Variants in NCAPD2 observed in about 807,000 individuals in gnomAD.
The protein encoded by NCAPD2 is condensin complex subunit 1.
NCAPD2 carries 100 observed loss-of-function variants against 164.5 expected under a neutral mutation model. That is an observed-to-expected ratio of 0.61 (90% CI 0.52 to 0.72). NCAPD2 has a LOEUF of 0.72. NCAPD2 is among the 30% of genes least tolerant of loss of function. The pLI is 0.00. For synonymous variants in NCAPD2, 585 were observed against 642.6 expected (o/e 0.91, Z 1.36); for missense variants, 1,560 against 1,749.2 (o/e 0.89, Z 1.93).
intron 14 of NCAPD2, 49 bp from the exon 15 acceptor site, chr12:6,521,749 C>G: frequency 6.3e-7 from 1 of 1,591,854 alleles, no homozygotes; most frequent in Non-Finnish European, 8.6e-7. Flanking sequence ...TGTTGGATTC[C>G]CCTGTATCCC....
chr12:6,522,730 C>A, intron 15 of NCAPD2, 98 bp from the exon 16 acceptor site: 1 of 1,352,132 alleles, frequency 7.4e-7, no homozygotes, highest in African/African-American at 1.5e-5. Flanking sequence ...ATGCGGAAGG[C>A]CTCCATTTGC....
Position 6,531,119 on chromosome 12 carries a change from T to C in NCAPD2, c.4120+43T>C. 2 of 1,609,984 alleles carry C rather than the reference T, an allele frequency of 1.2e-6. No individual in the cohort carries two copies. Among genetic ancestry groups the C allele is most frequent in the African/African-American group, 1.3e-5 (1 of 74,952 alleles). On this transcript the variant is annotated intron_variant, in intron 31 of 31. Coordinates refer to ENST00000315579, the MANE Select transcript of NCAPD2 (RefSeq NM_014865.4). This position sits in a 1 kb window ranked among gnomAD's most constrained non-coding sequence, Gnocchi z 4.1. ...GTTCCCGGCCGAGAAGGCACACAGC[T>C]AGGGTGCAGAGGGCTGGTTTCCATA...
chr12:6,518,503 A>AGTTTTTTTTTTTTGTT lies in NCAPD2; in HGVS notation c.1589+557_1589+558insGTTGTTTTTTTTTTTT, dbSNP rs1946225548. On this transcript the variant is annotated intron_variant, in intron 13 of 31. Transcript: ENST00000315579. ...ACAAAAGCCCTTACAGCCGTCAACA[A>AGTTTTTTTTTTTTGTT]GTTTTTTTTTTTTTTTTTTTTTTTT... Among the ~76,000 whole-genome samples, 14 of 30,714 alleles carry AGTTTTTTTTTTTTGTT rather than the reference A, an allele frequency of 4.6e-4. 1 individual carries two copies. In the South Asian group the frequency reaches 0.01, roughly 22 times the overall value. The allele number at this position is 30,714 out of a possible 152,430, so 20.1% of individuals were successfully genotyped here.
chr12:6,523,186 G>A, intron 16 of NCAPD2, 76 bp from the exon 17 acceptor site: 1 of 1,504,966 alleles, frequency 6.6e-7, no homozygotes, highest in Non-Finnish European at 9.2e-7. Flanking sequence ...CACTGTGGTG[G>A]GATAGCCCTA....
In NCAPD2 at chr12:6,518,504, G is replaced by GTT. The variant is rs56183938; in HGVS notation, c.1589+574_1589+575dup. Reference sequence around the variant, plus strand: ...CAAAAGCCCTTACAGCCGTCAACAAGTTTTTTTTTTTTTTTTTTTTTTTTT... The same window carrying GTT: ...CAAAAGCCCTTACAGCCGTCAACAAGTTTTTTTTTTTTTTTTTTTTTTTTTTT... On this transcript the variant is annotated intron_variant, in intron 13 of 31. Transcript: ENST00000315579. Among the ~76,000 whole-genome samples the GTT allele has an allele frequency of 6.3e-3, 282 of 44,760 alleles. 73 individuals are homozygous for GTT. Among genetic ancestry groups the GTT allele is most frequent in the Non-Finnish European group, 7.8e-3 (198 of 25,548 alleles). The allele number at this position is 44,760 out of a possible 152,430, so 29.4% of individuals were successfully genotyped here.
At chr12:6,519,591 T>G (rs1201968935) in intron 13 of NCAPD2, among the ~76,000 whole-genome samples, 1 of 152,012 alleles carries the variant, frequency 6.6e-6, no homozygotes, top group Non-Finnish European at 1.5e-5. Context: ...AGATAACATG[T>G]AGACAAGCAG....
chr12:6,528,581 G>T lies in NCAPD2; in HGVS notation c.3300-98G>T. 7.2e-7 allele frequency: 1 copy of T among 1,380,464 alleles called. No homozygotes were observed. The highest frequency in any genetic ancestry group is 1.3e-5 in the South Asian group (1 of 77,248). The allele number at this position is 1,380,464 out of a possible 1,614,324, so 85.5% of individuals were successfully genotyped here. A position where few individuals can be genotyped will look rare whatever the true frequency, so the allele number is the denominator to read the frequency against. On this transcript the variant is annotated intron_variant, in intron 25 of 31. Coordinates refer to ENST00000315579, the MANE Select transcript of NCAPD2 (RefSeq NM_014865.4). The surrounding 1 kb of genome is among the most constrained non-coding windows in gnomAD (Gnocchi z 5.1). The stretch of plus-strand genomic sequence containing the variant: ...CTTTCTGACTGCTTCTGGAGTGGCA[G>T]AGCATGGGATAATTGATTCCTGCTG...
chr12:6,512,226 C>T (rs1290720839), intron 6 of NCAPD2, among the ~76,000 whole-genome samples: 4 of 142,078 alleles, frequency 2.8e-5, no homozygotes, highest in African/African-American at 8.0e-5. Context: ...GACCTGAGAT[C>T]GCGCCACTGC....
chr12:6,507,888 T>G (rs890809552), intron 2 of NCAPD2, among the ~76,000 whole-genome samples: 1 of 151,840 alleles, frequency 6.6e-6, no homozygotes, highest in South Asian at 2.1e-4. Context: ...TGCTATGAAT[T>G]AAAGAATAGA....
Position 6,517,697 on chromosome 12 carries a change from G to T in NCAPD2, c.1408+14G>T, listed in dbSNP as rs764396605. The T allele has an allele frequency of 2.5e-6, 4 of 1,614,208 alleles. No homozygotes were observed. The South Asian group carries it at 4.4e-5, about 18-fold the overall frequency. ...CTGCAGCAGCTTGTAAGTAGTTACT[G>T]CCTTGGAGTCCTAATGCCAGACAGG... On this transcript the variant is annotated intron_variant, in intron 12 of 31. Coordinates refer to ENST00000315579, the MANE Select transcript of NCAPD2 (RefSeq NM_014865.4).
Position 6,495,061 on chromosome 12 carries a change from C to A in NCAPD2, c.-23-15C>A, listed in dbSNP as rs1276619483. On this transcript the variant is annotated splice_polypyrimidine_tract_variant and intron_variant, in intron 1 of 31. Coordinates refer to ENST00000315579, the MANE Select transcript of NCAPD2 (RefSeq NM_014865.4). ...TTGAATATAGACCCTGACTTTTTCA[C>A]TGTTTGGTTTCTAGCCCTGTGAGCC... The A allele has an allele frequency of 5.6e-6, 9 of 1,611,420 alleles. 1 individual carries two copies. In the South Asian group the frequency reaches 9.9e-5, roughly 18 times the overall value.
At chr12:6,497,465 C>CT (rs1295236176) in intron 2 of NCAPD2, among the ~76,000 whole-genome samples, 2 of 152,180 alleles carry the variant, frequency 1.3e-5, no homozygotes, top group Admixed American at 6.5e-5. Context: ...ATTCCACCCT[C>CT]TAACAGGCTC....
chr12:6,496,531 C>T (rs953867463), intron 2 of NCAPD2, among the ~76,000 whole-genome samples: 1 of 152,082 alleles, frequency 6.6e-6, no homozygotes, highest in African/African-American at 2.4e-5. Context: ...CTCAAGCAAT[C>T]CTCTCACCTC....
intron 11 of NCAPD2, 44 bp downstream of exon 11, chr12:6,517,543 A>G (rs1946214843): frequency 1.9e-6 from 3 of 1,614,194 alleles, no homozygotes; most frequent in Non-Finnish European, 2.5e-6. Flanking sequence ...TTAAATGGAA[A>G]CAGGGATGAA....
At chr12:6,496,049 TTTTG>T (rs1393703070) in intron 2 of NCAPD2, among the ~76,000 whole-genome samples, 1 of 147,488 alleles carries the variant, frequency 6.8e-6, no homozygotes, top group Admixed American at 7.0e-5. Flanking sequence ...TGCAACTTCT[TTTTG>T]TTTTTCTTTT....
At chr12:6,509,125 G>C (rs565280076) in intron 2 of NCAPD2, among the ~76,000 whole-genome samples, 1 of 150,796 alleles carries the variant, frequency 6.6e-6, no homozygotes, top group South Asian at 2.1e-4. Context: ...CCTAACTACT[G>C]TAAGTTGGAC....
intron 28 of NCAPD2, 27 bp downstream of exon 28, chr12:6,529,620 T>A: frequency 1.2e-6 from 2 of 1,613,344 alleles, no homozygotes; most frequent in Non-Finnish European, 1.7e-6. Context: ...GAGGGTTCTT[T>A]GTGCTGAGCG....
intron 2 of NCAPD2, among the ~76,000 whole-genome samples, chr12:6,504,199 A>G (rs2364499): frequency 0.08 from 1,940 of 24,192 alleles, 83 homozygotes; most frequent in African/African-American, 0.4. Context: ...ATATATATAT[A>G]TATATATATA....
intron 13 of NCAPD2, among the ~76,000 whole-genome samples, chr12:6,518,520 T>TTTGTTTTTTTTTTTG (rs1946231759): frequency 1.8e-5 from 2 of 114,014 alleles, no homozygotes; most frequent in African/African-American, 7.6e-5. Flanking sequence ...TTTTTTTTTT[T>TTTGTTTTTTTTTTTG]TTTTTTTTTT....
Sources: gnomAD v4.1 joint callset for allele counts (sites outside exome capture counted in the v4.1 genomes callset) on GRCh38, gnomAD v4.1.1 for gene constraint, Gnocchi (gnomAD v3.1) non-coding constraint, MANE v1.5 for transcripts, NCBI Gene and HGNC (gene_info 2026-07-23, HGNC 2026-07-21) for gene names.